Variants in NOL7 observed in about 807,000 individuals in gnomAD.
NOL7 encodes the protein U3 small nucleolar RNA-associated protein NOL7.
A neutral mutation model predicts 38.4 loss-of-function variants in NOL7; 36 were observed. That is an observed-to-expected ratio of 0.94 (90% confidence interval 0.72 to 1.24). NOL7 has a LOEUF of 1.24. Ranked by LOEUF, NOL7 falls within the 50% of genes most tolerant of loss-of-function variation. The pLI, the probability that NOL7 is intolerant of heterozygous loss-of-function variation, is 0.00. For synonymous variants in NOL7, 142 were observed against 126.5 expected, an observed-to-expected ratio of 1.12 and a Z score of -0.82; for missense variants, 350 against 315.1, an observed-to-expected ratio of 1.11 and a Z score of -0.84.
chr6:13,628,238 C>A (rs374965817), intron 8 of NOL7, among the ~76,000 whole-genome samples: 19 of 152,238 alleles, frequency 1.2e-4, no homozygotes, highest in South Asian at 8.3e-4. Context: ...TAAAATTTTT[C>A]TCTGGTATTT....
Position 13,620,230 on chromosome 6 carries a change from G to GT in NOL7, c.524dup (p.Arg176LysfsTer21). 1 of 1,613,384 alleles carries GT rather than the reference G, an allele frequency of 6.2e-7. No homozygotes were observed. Among genetic ancestry groups the GT allele is most frequent in the South Asian group, 1.1e-5 (1 of 91,016 alleles). On this transcript the variant is annotated frameshift_variant, in exon 6 of 8. Transcript: ENST00000451315. LOFTEE classifies it high-confidence loss of function. Reference sequence around the variant, plus strand: ...CAGCCAGAATAAAAGCTACTTGGCCGTAAGGCTAAAAGACCAAGATCTGAG... The same window carrying GT: ...CAGCCAGAATAAAAGCTACTTGGCCGTTAAGGCTAAAAGACCAAGATCTGAG...
At chr6:13,629,744 C>T (rs1764721399) in intron 8 of NOL7, among the ~76,000 whole-genome samples, 1 of 152,042 alleles carries the variant, frequency 6.6e-6, no homozygotes, top group Non-Finnish European at 1.5e-5. Flanking sequence ...TTGGGAGCCA[C>T]TGGAAGACGT....
At chr6:13,616,219 A>G (rs1764283568) in intron 2 of NOL7, among the ~76,000 whole-genome samples, 1 of 152,182 alleles carries the variant, frequency 6.6e-6, no homozygotes, top group Non-Finnish European at 1.5e-5. Context: ...CTTTCAATTT[A>G]TAACAGTGAC....
At chr6:13,620,672 A>C in intron 7 of NOL7, 82 bp from the exon 8 acceptor site, 1 of 1,017,722 alleles carries the variant, frequency 9.8e-7, no homozygotes, top group Non-Finnish European at 1.4e-6. Flanking sequence ...CAGTTTTAGT[A>C]ATTACATTCA....
intron 5 of NOL7, among the ~76,000 whole-genome samples, chr6:13,618,390 G>C (rs959029141): frequency 2.0e-5 from 3 of 151,600 alleles, no homozygotes; most frequent in Admixed American, 6.6e-5. Context: ...TGGGACTACA[G>C]GCGCCCGCCA....
chr6:13,615,503 C>T lies in NOL7; in HGVS notation c.145C>T (p.Leu49=). ...QPSSGAAAEP[L]EEDEEGDDEF... is the part of the protein sequence containing the mutation. Reference sequence around the variant, plus strand: ...CAGCAGCGGCGCGGCCGCCGAGCCCCTGGAGGAAGACGAGGAAGGGGACGA... The same window carrying T: ...CAGCAGCGGCGCGGCCGCCGAGCCCTTGGAGGAAGACGAGGAAGGGGACGA... Residue 49 remains leucine, a synonymous_variant, in exon 1 of 8, where the codon CTG becomes TTG. Transcript: ENST00000451315. 1.3e-6 allele frequency: 2 copies of T among 1,554,180 alleles called. No individual in the cohort carries two copies. The highest frequency in any genetic ancestry group is 1.2e-5 in the South Asian group (1 of 84,434).
chr6:13,629,435 T>C (rs1764714425), intron 8 of NOL7, among the ~76,000 whole-genome samples: 1 of 152,186 alleles, frequency 6.6e-6, no homozygotes, highest in Non-Finnish European at 1.5e-5. Flanking sequence ...ATACCTGAAA[T>C]ATGTAGCATT....
In NOL7 at chr6:13,615,433, C is replaced by G; in HGVS notation, c.75C>G (p.Ala25=). ...AEAMVDEGQL[A]SEEEEAEHGL... is the part of the protein sequence containing the mutation. Reference sequence around the variant, plus strand: ...CGATGGTGGACGAGGGCCAGCTGGCCTCGGAGGAGGAGGAGGCGGAGCACG... The same window carrying G: ...CGATGGTGGACGAGGGCCAGCTGGCGTCGGAGGAGGAGGAGGCGGAGCACG... Residue 25 remains alanine, a synonymous_variant, in exon 1 of 8, where the codon GCC becomes GCG. Coordinates refer to ENST00000451315, the MANE Select transcript of NOL7 (RefSeq NM_016167.5). 1.3e-6 allele frequency: 2 copies of G among 1,548,614 alleles called. No homozygotes were observed. Among genetic ancestry groups the G allele is most frequent in the Non-Finnish European group, 1.7e-6 (2 of 1,146,332 alleles).
At chr6:13,619,973 G>A (rs1764395784) in intron 5 of NOL7, among the ~76,000 whole-genome samples, 1 of 152,118 alleles carries the variant, frequency 6.6e-6, no homozygotes, top group Non-Finnish European at 1.5e-5. Flanking sequence ...TGGCCAACAT[G>A]GTGAAACCCC....
intron 3 of NOL7, among the ~76,000 whole-genome samples, chr6:13,616,886 A>G (rs1764306428): frequency 1.3e-5 from 2 of 152,206 alleles, no homozygotes; most frequent in Non-Finnish European, 2.9e-5. Context: ...GATTTGTCCC[A>G]TACTTGCCTT....
chr6:13,619,171 GAC>G (rs1410570091), intron 5 of NOL7, among the ~76,000 whole-genome samples: 1 of 152,210 alleles, frequency 6.6e-6, no homozygotes. Flanking sequence ...CTGATGCAAA[GAC>G]AGTCATTCCA....
chr6:13,618,039 ATG>A lies in NOL7; in HGVS notation c.419-17_419-16del. ...TTTTTACGTGAATGCTAATTAGAAA[ATG>A]TAACTCTATTTTTTAGTTAATTTGC... On this transcript the variant is annotated splice_polypyrimidine_tract_variant and intron_variant, in intron 4 of 7. Transcript: ENST00000451315. 2 of 1,345,906 alleles carry A rather than the reference ATG, an allele frequency of 1.5e-6. No individual in the cohort carries two copies. Among genetic ancestry groups the A allele is most frequent in the Non-Finnish European group, 2.1e-6 (2 of 945,414 alleles). The allele number at this position is 1,345,906 out of a possible 1,614,324, so 83.4% of individuals were successfully genotyped here.
chr6:13,627,806 C>G (rs540259005), intron 8 of NOL7, among the ~76,000 whole-genome samples: 7 of 152,106 alleles, frequency 4.6e-5, no homozygotes, highest in Admixed American at 2.6e-4. Context: ...ACTTCAAGTA[C>G]AAAACTATAT....
At chr6:13,628,150 A>G (rs1355323262) in intron 8 of NOL7, among the ~76,000 whole-genome samples, 1 of 152,228 alleles carries the variant, frequency 6.6e-6, no homozygotes, top group Admixed American at 6.5e-5. Context: ...TATCATCTAG[A>G]GAAGCAAACT....
rs146502993 is a variant in NOL7, at chr6:13,630,753, G to C, written n.574-1640G>C. ...ACCACAACAGACTAAAGGCAGTCTG[G>C]TCTGTATGCGAATACAGCTCACCTA... On this transcript the variant is annotated intron_variant and non_coding_transcript_variant, in intron 8 of 8. Coordinates refer to the NOL7 transcript ENST00000474485. Among the ~76,000 whole-genome samples the C allele has an allele frequency of 5.0e-3, 764 of 152,248 alleles. 6 individuals carry two copies. Among genetic ancestry groups the C allele is most frequent in the African/African-American group, 0.018 (734 of 41,554 alleles).
At chr6:13,629,319 TG>T (rs1764711187) in intron 8 of NOL7, among the ~76,000 whole-genome samples, 1 of 152,074 alleles carries the variant, frequency 6.6e-6, no homozygotes, top group African/African-American at 2.4e-5. Context: ...GCATAGAAAC[TG>T]GGAGGAAATA....
At position 13,615,342 on chromosome 6, in the gene NOL7, C is replaced by G. The variant is rs1302495496; in HGVS notation, c.-17C>G. On this transcript the variant is annotated 5_prime_UTR_variant, in exon 1 of 8. Coordinates refer to ENST00000451315, the MANE Select transcript of NOL7 (RefSeq NM_016167.5). ...GCTTCCGGGTCAGAGGTCAGACGGT[C>G]TAGCGCTGCGTGGGCCATGGTGCAG... 3.4e-6 allele frequency: 5 copies of G among 1,472,902 alleles called. No individual in the cohort carries two copies. In the African/African-American group the frequency reaches 4.2e-5, roughly 12 times the overall value. The allele number at this position is 1,472,902 out of a possible 1,614,324, so 91.2% of individuals were successfully genotyped here. A position where few individuals can be genotyped will look rare whatever the true frequency, so the allele number is the denominator to read the frequency against.
At chr6:13,632,462 T>C in exon 9 of NOL7, 1 of 1,614,062 alleles carries the variant, frequency 6.2e-7, no homozygotes, top group Non-Finnish European at 8.5e-7. Flanking sequence ...TGGATCATTC[T>C]TTCTATGGCG....
At chr6:13,615,796 C>T (rs1190563753) in intron 2 of NOL7, 24 bp downstream of exon 2, 2 of 1,596,028 alleles carry the variant, frequency 1.3e-6, no homozygotes, top group African/African-American at 1.4e-5. Flanking sequence ...GAGGAGGTGT[C>T]TTATTAAAAC....
Sources: allele counts gnomAD v4.1 joint callset (sites outside exome capture counted in the v4.1 genomes callset), GRCh38; gene constraint gnomAD v4.1.1; transcripts MANE v1.5; gene names NCBI Gene and HGNC (gene_info 2026-07-23, HGNC 2026-07-21).